TLK2: variants seen among roughly 807,000 people sequenced by gnomAD.
The protein encoded by TLK2 is serine/threonine-protein kinase tousled-like 2.
Under a neutral mutation model 117.3 loss-of-function variants are expected in TLK2, and 6 were observed. The observed-to-expected ratio is 0.05, with a 90% CI of 0.03 to 0.10. The LOEUF (loss-of-function observed/expected upper bound fraction) is 0.10, where lower values mean the gene tolerates loss of function less well. Among genes scored for constraint, TLK2 ranks in the 10% least tolerant of loss-of-function variants. The pLI is 1.00. For synonymous variants in TLK2, 257 were observed against 316.7 expected (o/e 0.81, Z 2.00); for missense variants, 299 against 901.2 (o/e 0.33, Z 8.56).
intron 13 of TLK2, among the ~76,000 whole-genome samples, chr17:62,577,026 G>A (rs1010275345): frequency 2.7e-5 from 4 of 145,712 alleles, no homozygotes; most frequent in Admixed American, 2.1e-4. Context: ...GCAGTGGCAC[G>A]ATCTTGGCTC....
chr17:62,555,587 A>G (rs2078797560), intron 9 of TLK2, among the ~76,000 whole-genome samples: 2 of 151,190 alleles, frequency 1.3e-5, no homozygotes, highest in African/African-American at 4.9e-5. Flanking sequence ...GGGTCAAGCA[A>G]TTCTCCTACC....
chr17:62,495,734 C>G (rs1261542594), intron 2 of TLK2, among the ~76,000 whole-genome samples: 1 of 151,236 alleles, frequency 6.6e-6, no homozygotes, highest in African/African-American at 2.4e-5. Flanking sequence ...TCTCGGCTCA[C>G]TGCAACCTCT....
chr17:62,495,667 A>ATATG lies in TLK2; in HGVS notation c.81+14464_81+14465insGTAT, dbSNP rs573365485. On this transcript the variant is annotated intron_variant, in intron 2 of 21. Coordinates refer to ENST00000346027, the MANE Select transcript of TLK2 (RefSeq NM_006852.6). Reference sequence around the variant, plus strand: ...AATTTTAAAAATTATATATATATATATATATATTGGAGACGGAGTCTTACT... The same window carrying ATATG: ...AATTTTAAAAATTATATATATATATATATGTATATATTGGAGACGGAGTCTTACT... Among the ~76,000 whole-genome samples, 6 of 141,806 alleles carry ATATG rather than the reference A, an allele frequency of 4.2e-5. No homozygotes were observed. The South Asian group carries it at 1.1e-3, about 26-fold the overall frequency. The allele number at this position is 141,806 out of a possible 152,430, so 93.0% of individuals were successfully genotyped here.
intron 2 of TLK2, among the ~76,000 whole-genome samples, chr17:62,481,908 C>T (rs2071698890): frequency 6.6e-6 from 1 of 152,006 alleles, no homozygotes; most frequent in Non-Finnish European, 1.5e-5. Flanking sequence ...GGTCCAAGAT[C>T]ATATTACTTG....
Position 62,536,278 on chromosome 17 carries a change from C to T in TLK2, c.472C>T (p.Arg158Trp). 3 of 1,613,594 alleles carry T rather than the reference C, an allele frequency of 1.9e-6. No homozygotes were observed. The highest frequency in any genetic ancestry group is 2.5e-6 in the Non-Finnish European group (3 of 1,179,734). ...TLMSVMLAKP[R>W]LDTEQLAQRG... is the part of the protein sequence containing the mutation. ...CATGTCAGTGATGCTAGCAAAACCT[C>T]GGCTTGACACAGAGCAGCTGGCGCA... is the stretch of plus-strand genomic sequence containing the variant. Residue 158 changes from arginine (R) to tryptophan (W), a missense_variant, in exon 7 of 22, where the codon CGG becomes TGG. By Grantham distance (101) the Arg-to-Trp change is moderately radical. Transcript: ENST00000346027.
Position 62,600,836 on chromosome 17 carries a change from A to G in TLK2, c.1720+16A>G. On this transcript the variant is annotated intron_variant, in intron 18 of 21. Transcript: ENST00000346027. ...CTCAAACCAGGTATGTCTAACTTTTAGGAGACAGTATTAGTGGGTTTTCTT... is the reference window on the plus strand; with the variant it reads ...CTCAAACCAGGTATGTCTAACTTTTGGGAGACAGTATTAGTGGGTTTTCTT... The G allele has an allele frequency of 2.5e-6, 4 of 1,588,652 alleles. No individual in the cohort carries two copies. The highest frequency in any genetic ancestry group is 3.4e-6 in the Non-Finnish European group (4 of 1,170,562).
At chr17:62,509,517 A>G (rs1428844195) in intron 2 of TLK2, among the ~76,000 whole-genome samples, 1 of 152,238 alleles carries the variant, frequency 6.6e-6, no homozygotes, top group Non-Finnish European at 1.5e-5. Context: ...TAAAATAAAA[A>G]TACTAGTAAA....
rs537031464 is a variant in TLK2 at position 62,535,128 on chromosome 17, T to A, written c.364-1042T>A. 3.6e-4 allele frequency among the ~76,000 whole-genome samples: 55 copies of A among 152,214 alleles called. 1 individual carries two copies. The highest frequency in any genetic ancestry group is 1.3e-3 in the African/African-American group (53 of 41,524). ...GTCTTGAACTCCTGACTTCAAGTGA[T>A]CCGCCTGCCTTGGCCTCCCAAAGTA... On this transcript the variant is annotated intron_variant, in intron 6 of 21. Transcript: ENST00000346027.
intron 6 of TLK2, among the ~76,000 whole-genome samples, chr17:62,526,618 AAAAGG>A (rs1415782133): frequency 6.6e-5 from 10 of 152,118 alleles, no homozygotes; most frequent in Non-Finnish European, 1.3e-4. Flanking sequence ...AGCATGTCCA[AAAAGG>A]AACTCTTGCT....
intron 6 of TLK2, among the ~76,000 whole-genome samples, chr17:62,525,216 A>G (rs1290929500): frequency 1.3e-5 from 2 of 152,132 alleles, no homozygotes; most frequent in Admixed American, 6.5e-5. Context: ...ATTTTTAGGA[A>G]AGTTGTTTTT....
intron 17 of TLK2, among the ~76,000 whole-genome samples, chr17:62,599,031 C>G (rs910308593): frequency 2.0e-5 from 3 of 151,990 alleles, no homozygotes; most frequent in Admixed American, 2.0e-4. Context: ...CTGCAACCTC[C>G]ACCTCATGGG....
chr17:62,578,190 T>C (rs767113122), intron 13 of TLK2, among the ~76,000 whole-genome samples: 1 of 152,224 alleles, frequency 6.6e-6, no homozygotes, highest in Non-Finnish European at 1.5e-5. Flanking sequence ...TGAAAACTTA[T>C]GTAAGAAACT....
At chr17:62,541,077 C>A (rs2077496333) in intron 7 of TLK2, among the ~76,000 whole-genome samples, 1 of 152,180 alleles carries the variant, frequency 6.6e-6, no homozygotes, top group Non-Finnish European at 1.5e-5. Context: ...TATCATCATG[C>A]CCTGCTCTCT....
At chr17:62,541,175 C>A (rs571706132) in intron 7 of TLK2, among the ~76,000 whole-genome samples, 10 of 152,308 alleles carry the variant, frequency 6.6e-5, no homozygotes, top group African/African-American at 1.7e-4. Flanking sequence ...CCCCACCCAT[C>A]CCACCTGTTA....
rs191254014 is a variant in TLK2, at chr17:62,589,652, C to T, written c.1460+3426C>T. On this transcript the variant is annotated intron_variant, in intron 16 of 21. Coordinates refer to ENST00000346027, the MANE Select transcript of TLK2 (RefSeq NM_006852.6). The stretch of plus-strand genomic sequence containing the variant: ...TGCTGCCTTTTGTTTCCTGTGTTTT[C>T]TGTACCTCAACAAGAGAAATTGGTT... Among the ~76,000 whole-genome samples, 652 of 152,276 alleles carry T rather than the reference C, an allele frequency of 4.3e-3. 2 individuals are homozygous for T. The highest frequency in any genetic ancestry group is 0.015 in the African/African-American group (626 of 41,552).
At chr17:62,550,874 A>G (rs1010282147) in intron 7 of TLK2, 1 of 152,372 alleles carries the variant, frequency 6.6e-6, no homozygotes, top group African/African-American at 2.4e-5. Flanking sequence ...GCTGGAGTGC[A>G]GTGGTGTGAT....
intron 2 of TLK2, among the ~76,000 whole-genome samples, chr17:62,518,918 C>A (rs1185822580): frequency 6.6e-6 from 1 of 152,158 alleles, no homozygotes; most frequent in African/African-American, 2.4e-5. Context: ...GGCTCTGTCA[C>A]CCAGGCTGGA....
intron 2 of TLK2, among the ~76,000 whole-genome samples, chr17:62,502,952 G>T (rs1386741019): frequency 2.0e-5 from 3 of 151,616 alleles, no homozygotes; most frequent in Non-Finnish European, 2.9e-5. Context: ...GGATATAGTA[G>T]TGAATAAAAA....
At chr17:62,556,272 G>A (rs2078857973) in intron 9 of TLK2, among the ~76,000 whole-genome samples, 1 of 152,186 alleles carries the variant, frequency 6.6e-6, no homozygotes, top group South Asian at 2.1e-4. Flanking sequence ...AAGTTCTTAT[G>A]TATAGAGTAT....
Sources: allele counts gnomAD v4.1 joint callset (sites outside exome capture counted in the v4.1 genomes callset), GRCh38; gene constraint gnomAD v4.1.1; transcripts MANE v1.5; gene names NCBI Gene and HGNC (gene_info 2026-07-23, HGNC 2026-07-21).